Variants in INTS4 observed in about 807,000 individuals in gnomAD.
The protein encoded by INTS4 is MSTP093.
Under a neutral mutation model 119.5 loss-of-function variants are expected in INTS4, and 70 were observed. That is an observed-to-expected ratio of 0.59 (90% CI 0.48 to 0.71). INTS4 has a LOEUF of 0.71. Among genes scored for constraint, INTS4 ranks in the 30% least tolerant of loss-of-function variants. The probability of loss-of-function intolerance (pLI) is 0.00; values close to 1 mark genes in which losing one functional copy is unlikely to be tolerated. For synonymous variants in INTS4, 316 were observed against 419.6 expected (o/e 0.75, Z 3.02); for missense variants, 867 against 1,173.2 (o/e 0.74, Z 3.81).
intron 15 of INTS4, 99 bp downstream of exon 15, chr11:77,918,722 A>G (rs1340202497): frequency 6.6e-7 from 1 of 1,512,886 alleles, no homozygotes; most frequent in Non-Finnish European, 8.9e-7. Context: ...AGACCAATAA[A>G]GTCAGAATAT....
intron 1 of INTS4, among the ~76,000 whole-genome samples, chr11:77,992,354 G>A (rs1225502930): frequency 6.6e-6 from 1 of 152,068 alleles, no homozygotes; most frequent in African/African-American, 2.4e-5. Flanking sequence ...TTGCGCAACT[G>A]CACACCAGTT....
intron 8 of INTS4, among the ~76,000 whole-genome samples, chr11:77,946,009 A>T (rs1257922900): frequency 6.6e-6 from 1 of 152,224 alleles, no homozygotes; most frequent in Non-Finnish European, 1.5e-5. Context: ...CCAGCAGGCC[A>T]CCGCGGCAAA....
intron 15 of INTS4, among the ~76,000 whole-genome samples, chr11:77,908,228 G>C (rs975566878): frequency 6.6e-6 from 1 of 151,864 alleles, no homozygotes; most frequent in Non-Finnish European, 1.5e-5. Flanking sequence ...ATCCAATCAA[G>C]TAAATTTTTT....
chr11:77,875,966 G>A (rs139188110), downstream of INTS4, among the ~76,000 whole-genome samples: 332 of 152,332 alleles, frequency 2.2e-3, 7 homozygotes, highest in Admixed American at 0.02. Flanking sequence ...CTTCAAGACA[G>A]GAGTTCAGAC....
At chr11:77,890,537 TGAAA>T (rs1952216941) in intron 21 of INTS4, among the ~76,000 whole-genome samples, 1 of 151,934 alleles carries the variant, frequency 6.6e-6, no homozygotes, top group South Asian at 2.1e-4. Flanking sequence ...AGAGGTGCTT[TGAAA>T]GGGTTTTTTA....
intron 4 of INTS4, among the ~76,000 whole-genome samples, chr11:77,977,670 T>C (rs940812744): frequency 3.3e-5 from 5 of 150,730 alleles, no homozygotes; most frequent in South Asian, 2.1e-4. Flanking sequence ...CAAATTATTA[T>C]AATAAAAAAT....
At chr11:77,888,821 A>G (rs936240395) in intron 21 of INTS4, among the ~76,000 whole-genome samples, 1 of 152,242 alleles carries the variant, frequency 6.6e-6, no homozygotes, top group African/African-American at 2.4e-5. Flanking sequence ...AACATATGAA[A>G]AAATGCTCAT....
intron 18 of INTS4, among the ~76,000 whole-genome samples, chr11:77,898,165 AATT>A (rs1372825276): frequency 6.6e-6 from 1 of 151,982 alleles, no homozygotes; most frequent in South Asian, 2.1e-4. Flanking sequence ...AACTGGCCTA[AATT>A]ATTATTATTA....
Position 77,891,309 on chromosome 11 carries a change from C to T in INTS4, c.2592+10G>A. On this transcript the variant is annotated intron_variant, in intron 21 of 22. Transcript: ENST00000534064. ...TCTAGAAGCTCCATGAGGACCCAAA[C>T]CCGACAGACCTGGACCTTAACAGTG... 6.2e-7 allele frequency: 1 copy of T among 1,608,540 alleles called. No individual in the cohort carries two copies. The highest frequency in any genetic ancestry group is 8.5e-7 in the Non-Finnish European group (1 of 1,178,056).
chr11:77,902,222 T>G (rs1306612086), intron 17 of INTS4, among the ~76,000 whole-genome samples: 1 of 152,138 alleles, frequency 6.6e-6, no homozygotes, highest in Non-Finnish European at 1.5e-5. Flanking sequence ...TCTCAATCCC[T>G]TTCTGTAAAC....
chr11:77,977,130 A>T (rs1855983961), intron 4 of INTS4, among the ~76,000 whole-genome samples: 1 of 152,164 alleles, frequency 6.6e-6, no homozygotes, highest in Non-Finnish European at 1.5e-5. Context: ...AATAAATTCT[A>T]AATGTTTTCA....
At chr11:77,955,257 A>C (rs1322496863) in intron 8 of INTS4, among the ~76,000 whole-genome samples, 1 of 152,144 alleles carries the variant, frequency 6.6e-6, no homozygotes, top group Non-Finnish European at 1.5e-5. Flanking sequence ...GGATTGCTTG[A>C]GCCCGGCAGG....
rs529248015 is a variant in INTS4, at chr11:77,883,899, G to C, written c.2646C>G (p.Phe882Leu). Residue 882 changes from phenylalanine to leucine, a missense_variant, in exon 22 of 23, where the codon TTC becomes TTG. By Grantham distance (22) the Phe-to-Leu change is conservative. This residue lies in a region of INTS4 where 122 missense variants were observed against 133.2 expected (regional missense o/e 0.92). Transcript: ENST00000534064. ...AQMIHPKPAD[F>L]RNPGPGRHRL... ...GGTGCCGCCCTGGGCCAGGATTCCG[G>C]AAGTCTGCAGGCTTGGGGTGAATCA... 3.1e-6 allele frequency: 5 copies of C among 1,613,234 alleles called. No individual in the cohort carries two copies. Among genetic ancestry groups the C allele is most frequent in the Middle Eastern group, 1.6e-4 (1 of 6,062 alleles).
At chr11:77,920,570 A>G (rs1953333663) in intron 14 of INTS4, among the ~76,000 whole-genome samples, 1 of 152,002 alleles carries the variant, frequency 6.6e-6, no homozygotes, top group Non-Finnish European at 1.5e-5. Context: ...ATAACAATTT[A>G]GGCTGGGTGT....
In INTS4 at chr11:77,901,274, T is replaced by G; in HGVS notation, c.2228+147A>C. 3.5e-6 allele frequency: 3 copies of G among 856,368 alleles called. No individual in the cohort carries two copies. The South Asian group carries it at 4.3e-5, about 12-fold the overall frequency. 53.0% of individuals were successfully genotyped at this position (856,368 alleles called of 1,614,324 possible). A position where few individuals can be genotyped will look rare whatever the true frequency, so the allele number is the denominator to read the frequency against. ...ATCCAACAACAGAATTTGTAATATC[T>G]GAAAAAAATGAATAGATCACACATT... On this transcript the variant is annotated intron_variant, in intron 18 of 22. Transcript: ENST00000534064.
chr11:77,976,967 C>A (rs935665690), intron 4 of INTS4, among the ~76,000 whole-genome samples: 1 of 151,984 alleles, frequency 6.6e-6, no homozygotes, highest in African/African-American at 2.4e-5. Flanking sequence ...TGGAGATATA[C>A]CTAATGTTAA....
intron 4 of INTS4, 58 bp downstream of exon 4, chr11:77,978,938 C>T: frequency 9.4e-7 from 1 of 1,066,390 alleles, no homozygotes; most frequent in Non-Finnish European, 1.5e-6. Context: ...CATTAATGGT[C>T]CTTAGCAGTC....
chr11:77,943,156 C>A (rs1421333912), intron 8 of INTS4, among the ~76,000 whole-genome samples: 3 of 152,060 alleles, frequency 2.0e-5, no homozygotes, highest in African/African-American at 7.2e-5. Flanking sequence ...TCCATAATTC[C>A]CAGTGCCCTC....
intron 10 of INTS4, among the ~76,000 whole-genome samples, chr11:77,932,077 A>G (rs903734911): frequency 1.3e-5 from 2 of 152,250 alleles, no homozygotes; most frequent in Non-Finnish European, 2.9e-5. Context: ...AATGAAGCCA[A>G]AACTGACAAA....
Sources: gnomAD v4.1 joint callset for allele counts (sites outside exome capture counted in the v4.1 genomes callset) on GRCh38, gnomAD v4.1.1 for gene constraint, gnomAD v4.1.1 regional missense constraint, MANE v1.5 for transcripts, NCBI Gene and HGNC (gene_info 2026-07-23, HGNC 2026-07-21) for gene names.